Variants in KPNB1 observed in about 807,000 individuals in gnomAD.
The protein encoded by KPNB1 is importin subunit beta-1.
Under a neutral mutation model 113.0 loss-of-function variants are expected in KPNB1, and 7 were observed. That is an observed-to-expected ratio of 0.06 (90% confidence interval 0.04 to 0.12). The LOEUF (loss-of-function observed/expected upper bound fraction) is 0.12, where lower values mean the gene tolerates loss of function less well. Ranked by LOEUF, KPNB1 falls within the 10% of genes least tolerant of loss-of-function variation. The pLI, the probability that KPNB1 is intolerant of heterozygous loss-of-function variation, is 1.00. For synonymous variants in KPNB1, 363 were observed against 378.6 expected (o/e 0.96, Z 0.48); for missense variants, 400 against 1,054.8 (o/e 0.38, Z 8.60).
At position 47,678,204 on chromosome 17, in the gene KPNB1, A is replaced by G. The variant is rs2030668134; in HGVS notation, c.2247+15A>G. 3 of 1,613,882 alleles carry G rather than the reference A, an allele frequency of 1.9e-6. No individual in the cohort carries two copies. Among genetic ancestry groups the G allele is most frequent in the East Asian group, 2.2e-5 (1 of 44,898 alleles). Reference sequence around the variant, plus strand: ...AGGTGGACAAGGTAAGCTTAAAGCTATCTTGGCTGTTCTTTAAGTCTAGCT... The same window carrying G: ...AGGTGGACAAGGTAAGCTTAAAGCTGTCTTGGCTGTTCTTTAAGTCTAGCT... On this transcript the variant is annotated intron_variant, in intron 18 of 21. Coordinates refer to ENST00000290158, the MANE Select transcript of KPNB1 (RefSeq NM_002265.6).
chr17:47,667,346 C>T (rs915905832), intron 9 of KPNB1, among the ~76,000 whole-genome samples: 3 of 152,026 alleles, frequency 2.0e-5, no homozygotes, highest in East Asian at 1.9e-4. Context: ...AGGCTGGTCT[C>T]GAAGTCCTGA....
intron 19 of KPNB1, among the ~76,000 whole-genome samples, chr17:47,679,363 C>G (rs1332984372): frequency 6.6e-6 from 1 of 152,196 alleles, no homozygotes; most frequent in Admixed American, 6.5e-5. Context: ...CCCATCCCCA[C>G]AAGCTAAATT....
chr17:47,675,320 A>AAATGG (rs2030562877), intron 15 of KPNB1, among the ~76,000 whole-genome samples: 1 of 149,756 alleles, frequency 6.7e-6, no homozygotes, highest in South Asian at 2.1e-4. Flanking sequence ...CAGTCCATTT[A>AAATGG]AATGGGGAGC....
Position 47,668,380 on chromosome 17 carries a change from G to A in KPNB1, c.1194G>A (p.Glu398=). The change falls in exon 10 of 22, where the codon GAG becomes GAA. Residue 398 remains glutamate, a synonymous_variant. Transcript: ENST00000290158. The stretch of plus-strand genomic sequence containing the variant: ...TTGGTTGTATCTTGGAAGGACCAGA[G>A]CCCAGTCAGCTCAAACCACTAGTTA... ...MAFGCILEGP[E]PSQLKPLVIQ... 6.2e-7 allele frequency: 1 copy of A among 1,614,156 alleles called. No homozygotes were observed. Among genetic ancestry groups the A allele is most frequent in the Non-Finnish European group, 8.5e-7 (1 of 1,180,018 alleles).
intron 9 of KPNB1, among the ~76,000 whole-genome samples, chr17:47,666,651 A>G (rs575380229): frequency 1.8e-4 from 26 of 148,456 alleles, no homozygotes. Context: ...ACAGAGTCTC[A>G]CTCTGTTGCC....
intron 14 of KPNB1, 156 bp downstream of exon 14, chr17:47,673,717 G>T: frequency 1.6e-6 from 1 of 625,742 alleles, no homozygotes; most frequent in Non-Finnish European, 2.9e-6. Context: ...GGTTGATTGG[G>T]AGAGGAATTC....
chr17:47,677,781 A>G (rs1202973845), intron 17 of KPNB1, among the ~76,000 whole-genome samples: 1 of 152,228 alleles, frequency 6.6e-6, no homozygotes, highest in Non-Finnish European at 1.5e-5. Context: ...CTCCAGAGAT[A>G]GCCATCATTA....
At chr17:47,678,502 G>T in intron 19 of KPNB1, 89 bp downstream of exon 19, 1 of 873,312 alleles carries the variant, frequency 1.1e-6, no homozygotes. Context: ...GCTCGCTTGT[G>T]AACCTAGTGC....
At chr17:47,667,758 A>G (rs900023475) in intron 9 of KPNB1, among the ~76,000 whole-genome samples, 1 of 151,712 alleles carries the variant, frequency 6.6e-6, no homozygotes, top group African/African-American at 2.4e-5. Context: ...GGGTTTCACC[A>G]TGTTGACCAG....
At chr17:47,676,691 G>A (rs752010226) in intron 16 of KPNB1, among the ~76,000 whole-genome samples, 200 bp downstream of exon 16, 2 of 152,038 alleles carry the variant, frequency 1.3e-5, no homozygotes, top group Non-Finnish European at 2.9e-5. Context: ...AGATAACGGT[G>A]GACAAGATAT....
intron 10 of KPNB1, among the ~76,000 whole-genome samples, chr17:47,669,117 G>T (rs2030377227): frequency 6.6e-6 from 1 of 151,848 alleles, no homozygotes; most frequent in Admixed American, 6.6e-5. Context: ...TAGGGAGGCG[G>T]GGGGATGGAG....
At chr17:47,676,282 A>G (rs2030612683) in intron 15 of KPNB1, 127 bp from the exon 16 acceptor site, 1 of 701,678 alleles carries the variant, frequency 1.4e-6, no homozygotes, top group African/African-American at 1.8e-5. Context: ...ATCGGTAACT[A>G]AAGCACATTT....
intron 2 of KPNB1, among the ~76,000 whole-genome samples, chr17:47,651,018 C>T (rs762660622): frequency 2.5e-4 from 38 of 151,666 alleles, no homozygotes; most frequent in Non-Finnish European, 1.8e-4. Flanking sequence ...TCGGTTATTC[C>T]TCTCTTGGGG....
At chr17:47,679,619 G>T (rs2030711173) in intron 19 of KPNB1, among the ~76,000 whole-genome samples, 1 of 152,070 alleles carries the variant, frequency 6.6e-6, no homozygotes, top group Admixed American at 6.6e-5. Context: ...TATGATAGGG[G>T]TATAATAGTT....
chr17:47,658,335 A>G (rs1567888644), intron 4 of KPNB1, among the ~76,000 whole-genome samples, 173 bp from the exon 5 acceptor site: 1 of 152,210 alleles, frequency 6.6e-6, no homozygotes, highest in Non-Finnish European at 1.5e-5. Flanking sequence ...GTATTAAGGG[A>G]ATGATGACAA....
intron 9 of KPNB1, among the ~76,000 whole-genome samples, chr17:47,667,486 T>TA (rs1555618600): frequency 6.6e-6 from 1 of 151,960 alleles, no homozygotes; most frequent in Admixed American, 6.6e-5. Flanking sequence ...GAAACTCCCT[T>TA]ACTTTCCTGG....
chr17:47,653,015 G>A, intron 3 of KPNB1, 139 bp downstream of exon 3: 1 of 528,988 alleles, frequency 1.9e-6, no homozygotes, highest in Non-Finnish European at 3.1e-6. Flanking sequence ...GATAAAAATT[G>A]TCTTTGTCTT....
chr17:47,653,722 C>T (rs967952813), intron 3 of KPNB1, among the ~76,000 whole-genome samples: 5 of 152,182 alleles, frequency 3.3e-5, no homozygotes, highest in Non-Finnish European at 5.9e-5. Context: ...CTTGCTATTT[C>T]CTGGTTCTAG....
intron 19 of KPNB1, chr17:47,679,766 G>A (rs2030717334): frequency 3.4e-6 from 1 of 297,034 alleles, no homozygotes; most frequent in Admixed American, 4.8e-5. Flanking sequence ...GCGCAATCTC[G>A]GCTCACTGCA....
Sources: allele counts gnomAD v4.1 joint callset (sites outside exome capture counted in the v4.1 genomes callset), GRCh38; gene constraint gnomAD v4.1.1; transcripts MANE v1.5; gene names NCBI Gene and HGNC (gene_info 2026-07-23, HGNC 2026-07-21).